The following TFDP2 variants were observed in gnomAD, a reference collection of about 807,000 sequenced individuals.
TFDP2 encodes transcription factor Dp-2 (E2F dimerization partner 2).
A neutral mutation model predicts 59.3 loss-of-function variants in TFDP2; 17 were observed. The ratio of observed to expected loss-of-function variants is 0.29; its 90% CI spans 0.20 to 0.43. TFDP2 has a LOEUF of 0.43. TFDP2 is among the 20% of genes least tolerant of loss of function. The pLI, the probability that TFDP2 is intolerant of heterozygous loss-of-function variation, is 1.00. For synonymous variants in TFDP2, 180 were observed against 194.7 expected (o/e 0.92, Z 0.63); for missense variants, 391 against 528.8 (o/e 0.74, Z 2.56).
At chr3:142,032,630 A>T (rs1261261475) in intron 3 of TFDP2, among the ~76,000 whole-genome samples, 6 of 152,122 alleles carry the variant, frequency 3.9e-5, no homozygotes, top group Admixed American at 3.9e-4. Context: ...CTCAGTATTG[A>T]ACTTCCTGTC....
chr3:142,145,497 G>A (rs1177532453), intron 1 of TFDP2: 1 of 152,086 alleles, frequency 6.6e-6, no homozygotes, highest in Non-Finnish European at 1.5e-5. Flanking sequence ...ACAAATCAGA[G>A]ATTAGCATGG....
At chr3:142,052,415 G>A (rs1947681881) in intron 3 of TFDP2, among the ~76,000 whole-genome samples, 1 of 151,280 alleles carries the variant, frequency 6.6e-6, no homozygotes, top group Non-Finnish European at 1.5e-5. Flanking sequence ...CGTGGTGGTG[G>A]GCGCCTGTAG....
intron 4 of TFDP2, among the ~76,000 whole-genome samples, chr3:141,996,037 G>A (rs545058992): frequency 6.6e-6 from 1 of 152,016 alleles, no homozygotes; most frequent in African/African-American, 2.4e-5. Context: ...AGAATGCTGT[G>A]ATAAACATTT....
At chr3:142,047,487 C>T (rs1947398384) in intron 3 of TFDP2, among the ~76,000 whole-genome samples, 1 of 151,962 alleles carries the variant, frequency 6.6e-6, no homozygotes, top group Admixed American at 6.6e-5. Context: ...TTGTACAGTC[C>T]ACCCCCTGTC....
intron 3 of TFDP2, among the ~76,000 whole-genome samples, chr3:142,085,354 C>G (rs148840321): frequency 6.0e-4 from 88 of 146,244 alleles, no homozygotes; most frequent in African/African-American, 2.4e-3. Context: ...ATGACTATAT[C>G]AAAGTAACTC....
intron 3 of TFDP2, among the ~76,000 whole-genome samples, chr3:142,007,540 T>C (rs1390068366): frequency 6.6e-6 from 1 of 151,868 alleles, no homozygotes; most frequent in Non-Finnish European, 1.5e-5. Flanking sequence ...TGAAGGGAGG[T>C]ATGGTTTTGC....
At chr3:142,054,639 T>C (rs1454372290) in intron 3 of TFDP2, among the ~76,000 whole-genome samples, 4 of 152,228 alleles carry the variant, frequency 2.6e-5, no homozygotes, top group African/African-American at 7.2e-5. Context: ...ACAACTGGCA[T>C]GTAGTATGCA....
At chr3:142,096,202 G>A (rs1162080986) in intron 2 of TFDP2, among the ~76,000 whole-genome samples, 1 of 152,144 alleles carries the variant, frequency 6.6e-6, no homozygotes, top group Admixed American at 6.5e-5. Context: ...CATAGATGGA[G>A]GGGAGGTGTT....
At chr3:142,122,456 A>G (rs1400410614) in intron 1 of TFDP2, among the ~76,000 whole-genome samples, 2 of 152,172 alleles carry the variant, frequency 1.3e-5, no homozygotes, top group Non-Finnish European at 2.9e-5. Flanking sequence ...CATTCCTCCA[A>G]AACAGATTCT....
At chr3:141,963,382 T>C (rs1287366866) in intron 10 of TFDP2, among the ~76,000 whole-genome samples, 3 of 152,208 alleles carry the variant, frequency 2.0e-5, no homozygotes, top group Non-Finnish European at 2.9e-5. Context: ...AACTATGATA[T>C]AGCAAAACAA....
At position 141,974,109 on chromosome 3, in the gene TFDP2, T is replaced by C; in HGVS notation, c.602A>G (p.Lys201Arg). The C allele has an allele frequency of 6.2e-7, 1 of 1,613,446 alleles. No homozygotes were observed. The highest frequency in any genetic ancestry group is 8.5e-7 in the Non-Finnish European group (1 of 1,179,710). ...CAGGCCAATCCACTTGATTTCTTTT[T>C]TTTCCTTTGAAATTATGTTCATTGC... ...LMAMNIISKE[K>R]KEIKWIGLPT... The change falls in exon 8 of 13, where the codon AAA (lysine) becomes AGA (arginine). Residue 201 changes from lysine (K) to arginine (R), a missense_variant. This residue lies in a region of TFDP2 where 223 missense variants were observed against 292.5 expected (regional missense o/e 0.76). Transcript: ENST00000489671.
chr3:142,108,895 T>C (rs1234480260), intron 1 of TFDP2, among the ~76,000 whole-genome samples: 2 of 152,142 alleles, frequency 1.3e-5, no homozygotes, highest in Non-Finnish European at 1.5e-5. Flanking sequence ...TCTGGAACCT[T>C]TACCTGACAA....
intron 3 of TFDP2, among the ~76,000 whole-genome samples, chr3:142,051,609 G>C (rs1947633582): frequency 6.6e-6 from 1 of 151,826 alleles, no homozygotes; most frequent in African/African-American, 2.4e-5. Flanking sequence ...GCTACCAAGA[G>C]AGTACAGTAT....
chr3:142,007,564 T>C (rs994372404), intron 3 of TFDP2, among the ~76,000 whole-genome samples: 11 of 152,344 alleles, frequency 7.2e-5, no homozygotes, highest in African/African-American at 2.4e-4. Context: ...GATTCCAGAA[T>C]ATTACATTTA....
chr3:142,072,343 C>G (rs1240244528), intron 3 of TFDP2, among the ~76,000 whole-genome samples: 2 of 152,118 alleles, frequency 1.3e-5, no homozygotes, highest in African/African-American at 4.8e-5. Flanking sequence ...GAAATGGAAC[C>G]AAGATTACAT....
chr3:141,997,489 C>T (rs1049748265), intron 4 of TFDP2, among the ~76,000 whole-genome samples: 2 of 151,982 alleles, frequency 1.3e-5, no homozygotes, highest in Non-Finnish European at 2.9e-5. Context: ...TGTATTACTA[C>T]TGCAGTATTT....
intron 4 of TFDP2, among the ~76,000 whole-genome samples, chr3:142,002,920 G>C (rs34464850): frequency 0.12 from 17,559 of 152,004 alleles, 1,225 homozygotes; most frequent in East Asian, 0.18. Flanking sequence ...AATTCAGAAG[G>C]CTCACTCTCT....
intron 3 of TFDP2, among the ~76,000 whole-genome samples, chr3:142,047,835 G>A (rs1348599776): frequency 2.0e-5 from 3 of 149,846 alleles, no homozygotes; most frequent in Non-Finnish European, 3.0e-5. Context: ...TCCGCCTCCC[G>A]GGTTCAAGTG....
intron 3 of TFDP2, among the ~76,000 whole-genome samples, chr3:142,032,988 G>C (rs1946510306): frequency 6.6e-6 from 1 of 152,070 alleles, no homozygotes; most frequent in Non-Finnish European, 1.5e-5. Context: ...CTGAGGTCAG[G>C]AGTTCAAGAC....
Sources: allele counts gnomAD v4.1 joint callset (sites outside exome capture counted in the v4.1 genomes callset), GRCh38; gene constraint gnomAD v4.1.1; regional missense constraint gnomAD v4.1.1; transcripts MANE v1.5; gene names NCBI Gene and HGNC (gene_info 2026-07-23, HGNC 2026-07-21).